L3MBTL4: variants seen among roughly 807,000 people sequenced by gnomAD.
L3MBTL4 encodes the protein lethal(3)malignant brain tumor-like protein 4.
A neutral mutation model predicts 84.5 loss-of-function variants in L3MBTL4; 70 were observed. The ratio of observed to expected loss-of-function variants is 0.83; its 90% confidence interval spans 0.68 to 1.01. L3MBTL4 has a LOEUF of 1.01. Among genes scored for constraint, L3MBTL4 ranks in the 50% least tolerant of loss-of-function variants. The pLI is 0.00. For synonymous variants in L3MBTL4, 274 were observed against 259.8 expected, an observed-to-expected ratio of 1.05 and a Z score of -0.52; for missense variants, 715 against 754.8, an observed-to-expected ratio of 0.95 and a Z score of 0.62.
At chr18:5,958,311 T>A (rs1394861261) in intron 18 of L3MBTL4, among the ~76,000 whole-genome samples, 4 of 152,180 alleles carry the variant, frequency 2.6e-5, no homozygotes, top group Non-Finnish European at 5.9e-5. Flanking sequence ...GCATTTATGA[T>A]ATATTGTCTG....
intron 10 of L3MBTL4, among the ~76,000 whole-genome samples, chr18:6,224,007 C>T (rs549692496): frequency 6.6e-6 from 1 of 152,186 alleles, no homozygotes; most frequent in South Asian, 2.1e-4. Flanking sequence ...TTACCATTTG[C>T]TCGGTGGGAG....
intron 13 of L3MBTL4, among the ~76,000 whole-genome samples, chr18:6,144,242 G>C (rs1598895572): frequency 6.8e-6 from 1 of 148,098 alleles, no homozygotes; most frequent in South Asian, 2.2e-4. Context: ...TTAATACCTG[G>C]AAGCACTATT....
chr18:6,407,550 C>A (rs192555341), intron 1 of L3MBTL4, among the ~76,000 whole-genome samples: 2 of 152,208 alleles, frequency 1.3e-5, no homozygotes, highest in Admixed American at 6.5e-5. Flanking sequence ...ATATTCTTTG[C>A]CTTTGTATTT....
intron 10 of L3MBTL4, among the ~76,000 whole-genome samples, chr18:6,231,956 C>T (rs900356683): frequency 6.6e-6 from 1 of 152,104 alleles, no homozygotes; most frequent in African/African-American, 2.4e-5. Flanking sequence ...GGTATCTTTA[C>T]CTTGTTCCTG....
chr18:6,183,865 C>T (rs2044598197), intron 12 of L3MBTL4, among the ~76,000 whole-genome samples: 1 of 151,854 alleles, frequency 6.6e-6, no homozygotes, highest in Admixed American at 6.6e-5. Context: ...TCCCAGTAAG[C>T]CAATAGCAAA....
At chr18:6,090,204 CTT>C (rs1408182693) in intron 15 of L3MBTL4, among the ~76,000 whole-genome samples, 1 of 152,052 alleles carries the variant, frequency 6.6e-6, no homozygotes, top group African/African-American at 2.4e-5. Context: ...GAGTATGACT[CTT>C]TACAGTTAAT....
intron 1 of L3MBTL4, among the ~76,000 whole-genome samples, chr18:6,378,964 T>C (rs1470152383): frequency 6.8e-6 from 1 of 147,384 alleles, no homozygotes; most frequent in East Asian, 2.2e-4. Flanking sequence ...TAGAATGCTT[T>C]TCCATTTACT....
chr18:6,383,380 G>A (rs2054681067), intron 1 of L3MBTL4, among the ~76,000 whole-genome samples: 1 of 152,122 alleles, frequency 6.6e-6, no homozygotes, highest in African/African-American at 2.4e-5. Flanking sequence ...CCTGCAGCTA[G>A]TTTTGTGTCT....
At chr18:6,163,585 C>T (rs1252064129) in intron 13 of L3MBTL4, among the ~76,000 whole-genome samples, 1 of 152,036 alleles carries the variant, frequency 6.6e-6, no homozygotes, top group South Asian at 2.1e-4. Context: ...AGTTGTCTTT[C>T]CCCCAAATTC....
intron 12 of L3MBTL4, among the ~76,000 whole-genome samples, chr18:6,210,900 C>T (rs543634522): frequency 6.6e-6 from 1 of 152,174 alleles, no homozygotes; most frequent in Non-Finnish European, 1.5e-5. Context: ...CCAGGGAGGG[C>T]AGCACAGGGT....
chr18:6,115,037 T>C (rs112912438), intron 14 of L3MBTL4, among the ~76,000 whole-genome samples: 39 of 152,028 alleles, frequency 2.6e-4, no homozygotes, highest in African/African-American at 9.2e-4. Context: ...AAGTGAAGTG[T>C]CGGTGAGATT....
intron 16 of L3MBTL4, among the ~76,000 whole-genome samples, chr18:6,035,695 G>C (rs1488240979): frequency 2.0e-5 from 3 of 152,114 alleles, no homozygotes; most frequent in East Asian, 3.9e-4. Context: ...GAAAGTCATT[G>C]GTAGCTTGAT....
At position 6,012,118 on chromosome 18, in the gene L3MBTL4, A is replaced by T. The variant is rs375608979; in HGVS notation, c.1445-42556T>A. ...GGAGAGACATTTCAGGAGTCAGCTC[A>T]GGTACCTGTGCTGTAAAGCCTGGCA... On this transcript the variant is annotated intron_variant, in intron 16 of 18. Transcript: ENST00000317931. Among the ~76,000 whole-genome samples the T allele has an allele frequency of 5.9e-5, 9 of 152,322 alleles. No individual in the cohort carries two copies. In the South Asian group the frequency reaches 8.3e-4, roughly 14 times the overall value.
intron 1 of L3MBTL4, among the ~76,000 whole-genome samples, chr18:6,325,183 T>C (rs1457171967): frequency 1.3e-5 from 2 of 152,250 alleles, no homozygotes; most frequent in Middle Eastern, 3.4e-3. Flanking sequence ...TAAGTTCATG[T>C]TAATGGGAAA....
At chr18:6,290,886 TC>T (rs983922122) in intron 4 of L3MBTL4, among the ~76,000 whole-genome samples, 40 of 152,002 alleles carry the variant, frequency 2.6e-4, no homozygotes, top group African/African-American at 9.2e-4. Context: ...TCTAGGTTCA[TC>T]CCATCCAACT....
intron 16 of L3MBTL4, among the ~76,000 whole-genome samples, chr18:5,987,965 C>T (rs569399813): frequency 2.0e-5 from 3 of 151,898 alleles, no homozygotes; most frequent in East Asian, 1.9e-4. Context: ...TCTGCTAATG[C>T]ATATTACAAT....
intron 1 of L3MBTL4, among the ~76,000 whole-genome samples, chr18:6,335,599 A>T (rs2052292700): frequency 6.6e-6 from 1 of 152,172 alleles, no homozygotes; most frequent in South Asian, 2.1e-4. Context: ...GTTCCCACCC[A>T]AATCTTATCT....
intron 13 of L3MBTL4, among the ~76,000 whole-genome samples, chr18:6,165,515 G>T (rs909945507): frequency 6.6e-6 from 1 of 151,594 alleles, no homozygotes; most frequent in South Asian, 2.1e-4. Flanking sequence ...GAAGAGAGTG[G>T]GGGCCAATAT....
intron 10 of L3MBTL4, 73 bp from the exon 11 acceptor site, chr18:6,215,908 G>T: frequency 1.3e-6 from 1 of 787,540 alleles, no homozygotes; most frequent in Non-Finnish European, 2.0e-6. Context: ...ACAAAACGTT[G>T]GATGATATGA....
Sources: allele counts gnomAD v4.1 joint callset (sites outside exome capture counted in the v4.1 genomes callset), GRCh38; gene constraint gnomAD v4.1.1; transcripts MANE v1.5; gene names NCBI Gene and HGNC (gene_info 2026-07-23, HGNC 2026-07-21).